Variants in POLR2B observed in about 807,000 individuals in gnomAD.
POLR2B encodes the protein DNA-directed RNA polymerase II subunit RPB2.
POLR2B carries 57 observed loss-of-function variants against 144.6 expected under a neutral mutation model. The ratio of observed to expected loss-of-function variants is 0.39; its 90% CI spans 0.32 to 0.49. The LOEUF (loss-of-function observed/expected upper bound fraction) is 0.49, where lower values mean the gene tolerates loss of function less well. Among genes scored for constraint, POLR2B ranks in the 20% least tolerant of loss-of-function variants. The probability of loss-of-function intolerance (pLI) is 0.83; values close to 1 mark genes in which losing one functional copy is unlikely to be tolerated. For missense variants in POLR2B, 595 were observed against 1,467.4 expected, an observed-to-expected ratio of 0.41 and a Z score of 9.71; for synonymous variants, 442 against 469.8, an observed-to-expected ratio of 0.94 and a Z score of 0.77.
chr4:57,025,253 T>C (rs1723676843), intron 22 of POLR2B, 124 bp from the exon 23 acceptor site: 2 of 785,734 alleles, frequency 2.5e-6, no homozygotes, highest in Non-Finnish European at 4.2e-6. Context: ...TCTTAATTGC[T>C]AACATTATAG....
chr4:57,003,203 G>A (rs1722907222), intron 7 of POLR2B, among the ~76,000 whole-genome samples: 1 of 146,534 alleles, frequency 6.8e-6, no homozygotes. Context: ...AGGCTGAGGC[G>A]GGCAGATCAC....
At chr4:57,026,073 C>A (rs1723707918) in intron 23 of POLR2B, among the ~76,000 whole-genome samples, 1 of 152,046 alleles carries the variant, frequency 6.6e-6, no homozygotes, top group Admixed American at 6.5e-5. Flanking sequence ...ACCGTCTCTA[C>A]TAAAAATACA....
At chr4:57,016,123 A>G (rs913157046) in intron 14 of POLR2B, among the ~76,000 whole-genome samples, 5 of 152,250 alleles carry the variant, frequency 3.3e-5, no homozygotes, top group African/African-American at 4.8e-5. Flanking sequence ...TTGTGCAACC[A>G]TCACCACTAT....
intron 13 of POLR2B, among the ~76,000 whole-genome samples, chr4:57,013,821 A>G (rs1723278203): frequency 6.6e-6 from 1 of 152,098 alleles, no homozygotes; most frequent in Non-Finnish European, 1.5e-5. Flanking sequence ...TGGGTGAGGT[A>G]GAGTGGTCGG....
chr4:57,023,247 T>C lies in POLR2B; in HGVS notation c.2516-83T>C. On this transcript the variant is annotated intron_variant, in intron 18 of 24. Coordinates refer to ENST00000314595, the MANE Select transcript of POLR2B (RefSeq NM_000938.3). The surrounding 1 kb of genome is among the most constrained non-coding windows in gnomAD (Gnocchi z 4.3). ...TGGTATAGAGACTCCTGTGGCCTTC[T>C]CTCTGACTTGGAACTGATTCATGTA... 1 of 1,393,768 alleles carries C rather than the reference T, an allele frequency of 7.2e-7. No individual in the cohort carries two copies. Among genetic ancestry groups the C allele is most frequent in the Non-Finnish European group, 1.0e-6 (1 of 1,000,828 alleles). 86.3% of individuals were successfully genotyped at this position (1,393,768 alleles called of 1,614,324 possible). A position where few individuals can be genotyped will look rare whatever the true frequency, so the allele number is the denominator to read the frequency against.
At chr4:56,997,290 A>G (rs1469082630) in intron 6 of POLR2B, among the ~76,000 whole-genome samples, 2 of 146,768 alleles carry the variant, frequency 1.4e-5, no homozygotes, top group African/African-American at 2.5e-5. Context: ...ACAGGGTCTC[A>G]TTCTGTTGCC....
At chr4:57,028,709 A>T (rs926555374) in intron 23 of POLR2B, among the ~76,000 whole-genome samples, 11 of 152,222 alleles carry the variant, frequency 7.2e-5, no homozygotes, top group African/African-American at 2.7e-4. Flanking sequence ...TGTTAGTATT[A>T]CTATTAAAAA....
chr4:57,025,427 T>C lies in POLR2B; in HGVS notation c.3129T>C (p.Ile1043=). Residue 1043 remains isoleucine (I), a synonymous_variant, in exon 23 of 25, where the codon ATT becomes ATC. Transcript: ENST00000314595. The part of the protein sequence containing the change: ...TGRKITSQIF[I]GPTYYQRLKH... ...GAAAAATCACATCACAAATATTTAT[T>C]GGCCCCACTTATTACCAGCGTTTGA... 1.2e-6 allele frequency: 2 copies of C among 1,613,110 alleles called. No individual in the cohort carries two copies. The highest frequency in any genetic ancestry group is 1.3e-5 in the African/African-American group (1 of 75,044).
intron 5 of POLR2B, 64 bp downstream of exon 5, chr4:56,994,930 G>GAAAAAAAAAAAAAAA (rs41560115): frequency 3.0e-6 from 2 of 676,798 alleles, no homozygotes; most frequent in African/African-American, 2.1e-5. Flanking sequence ...AAGTTGAAAT[G>GAAAAAAAAAAAAAAA]AAAAAAAAAA....
In POLR2B at chr4:56,990,805, T is replaced by C. The variant is rs142177173; in HGVS notation, c.150T>C (p.Phe50=). 6 of 1,613,622 alleles carry C rather than the reference T, an allele frequency of 3.7e-6. No homozygotes were observed. The highest frequency in any genetic ancestry group is 5.1e-6 in the Non-Finnish European group (6 of 1,179,648). Reference sequence around the variant, plus strand: ...AACAGCTGGATTCTTTTGATGAGTTTATTCAGATGTCTGTTCAAAGAATTG... The same window carrying C: ...AACAGCTGGATTCTTTTGATGAGTTCATTCAGATGTCTGTTCAAAGAATTG... The part of the protein sequence containing the change: ...VRQQLDSFDE[F]IQMSVQRIVE... Residue 50 remains phenylalanine (F), a synonymous_variant, in exon 3 of 25, where the codon TTT becomes TTC. Coordinates refer to ENST00000314595, the MANE Select transcript of POLR2B (RefSeq NM_000938.3).
intron 8 of POLR2B, 61 bp from the exon 9 acceptor site, chr4:57,005,538 CA>C (rs934479006): frequency 9.7e-5 from 146 of 1,501,288 alleles, no homozygotes; most frequent in Admixed American, 2.3e-4. Flanking sequence ...ACATATAAAT[CA>C]AAAAAAAGTC....
intron 14 of POLR2B, among the ~76,000 whole-genome samples, chr4:57,016,612 CAATAATATG>C (rs1349426344): frequency 6.8e-6 from 1 of 146,408 alleles, no homozygotes; most frequent in Non-Finnish European, 1.5e-5. Context: ...TATAATATGA[CAATAATATG>C]AATAATATAA....
intron 2 of POLR2B, among the ~76,000 whole-genome samples, chr4:56,988,139 G>A (rs1321116477): frequency 6.6e-6 from 1 of 151,926 alleles, no homozygotes; most frequent in Non-Finnish European, 1.5e-5. Flanking sequence ...TGATGGTGAG[G>A]ATAGGAGCTC....
chr4:57,016,999 T>A (rs1723389517), intron 14 of POLR2B, 44 bp from the exon 15 acceptor site: 2 of 1,224,164 alleles, frequency 1.6e-6, no homozygotes, highest in South Asian at 1.7e-5. Context: ...AATAGTTAGT[T>A]AAAATACTTG....
chr4:56,990,968 C>A, intron 3 of POLR2B, 70 bp downstream of exon 3: 1 of 1,374,474 alleles, frequency 7.3e-7, no homozygotes, highest in Non-Finnish European at 9.9e-7. Flanking sequence ...CTTCTCTTAC[C>A]TGGCTTAAAG....
chr4:56,988,490 CCTGT>C (rs1454937083), intron 2 of POLR2B, among the ~76,000 whole-genome samples: 3 of 151,984 alleles, frequency 2.0e-5, no homozygotes, highest in Non-Finnish European at 4.4e-5. Context: ...ATAGCCAGAC[CCTGT>C]CTATCTCTTT....
intron 1 of POLR2B, chr4:56,985,335 G>C: frequency 9.1e-6 from 9 of 985,510 alleles, no homozygotes; most frequent in Non-Finnish European, 1.1e-5. Context: ...CGCCCATTCC[G>C]TGCCCGGTAG....
At chr4:56,995,105 A>C (rs777345183) in intron 5 of POLR2B, 146 bp from the exon 6 acceptor site, 4 of 684,342 alleles carry the variant, frequency 5.8e-6, no homozygotes, top group Non-Finnish European at 7.2e-6. Flanking sequence ...TGAAGCATTT[A>C]TGCAAAATGG....
intron 22 of POLR2B, among the ~76,000 whole-genome samples, 189 bp downstream of exon 22, chr4:57,025,188 C>T (rs1402667156): frequency 2.0e-5 from 3 of 152,112 alleles, no homozygotes; most frequent in East Asian, 1.9e-4. Context: ...GTGAAGGTAG[C>T]GACTGAACCT....
Sources: gnomAD v4.1 joint callset for allele counts (sites outside exome capture counted in the v4.1 genomes callset) on GRCh38, gnomAD v4.1.1 for gene constraint, Gnocchi (gnomAD v3.1) non-coding constraint, MANE v1.5 for transcripts, NCBI Gene and HGNC (gene_info 2026-07-23, HGNC 2026-07-21) for gene names.